The following CFAP47 variants were observed in gnomAD, a reference collection of about 807,000 sequenced individuals.
CFAP47 encodes cilia and flagella associated protein 47.
Under a neutral mutation model 148.1 loss-of-function variants are expected in CFAP47, and 29 were observed. The ratio of observed to expected loss-of-function variants is 0.20; its 90% CI spans 0.15 to 0.27. The LOEUF is 0.27. Among genes scored for constraint, CFAP47 ranks in the 10% least tolerant of loss-of-function variants. The pLI is 1.00. For missense variants in CFAP47, 1,872 were observed against 1,697.5 expected, an observed-to-expected ratio of 1.10 and a Z score of -1.81; for synonymous variants, 664 against 577.3, an observed-to-expected ratio of 1.15 and a Z score of -2.15.
intron 29 of CFAP47, among the ~76,000 whole-genome samples, chrX:36,075,614 G>T (rs6632472): frequency 0.19 from 20,889 of 110,883 alleles, 2,299 homozygotes; most frequent in African/African-American, 0.39. Context: ...ATGCTGAGGT[G>T]TGGAATACAA....
chrX:36,275,657 T>G (rs1941008413), intron 49 of CFAP47, among the ~76,000 whole-genome samples: 1 of 111,035 alleles, frequency 9.0e-6, no homozygotes, highest in South Asian at 3.8e-4. Context: ...AGTTTTCTTT[T>G]CTTGTAGTGT....
At chrX:35,924,028 T>TGCAC (rs1372148991) in intron 1 of CFAP47, among the ~76,000 whole-genome samples, 1 of 96,379 alleles carries the variant, frequency 1.0e-5, no homozygotes, top group African/African-American at 4.4e-5. Context: ...TGCACATATA[T>TGCAC]ATGCACATAT....
intron 37 of CFAP47, among the ~76,000 whole-genome samples, chrX:36,155,801 A>G: frequency 9.0e-6 from 1 of 111,397 alleles, no homozygotes; most frequent in Non-Finnish European, 1.9e-5. Context: ...ATAGGAAGCA[A>G]TTAATAAGGA....
intron 33 of CFAP47, among the ~76,000 whole-genome samples, chrX:36,127,818 A>G (rs1339842349): frequency 9.0e-6 from 1 of 110,936 alleles, no homozygotes; most frequent in Non-Finnish European, 1.9e-5. Context: ...CATCCCTTGT[A>G]AGTTGGATTC....
chrX:36,128,400 T>C (rs189599428), intron 33 of CFAP47, among the ~76,000 whole-genome samples: 2 of 111,549 alleles, frequency 1.8e-5, no homozygotes, highest in Admixed American at 1.9e-4. Context: ...TGTTCTGCAC[T>C]TTTTTATATT....
intron 5 of CFAP47, 96 bp from the exon 6 acceptor site, chrX:35,951,707 C>T: frequency 1.1e-6 from 1 of 898,091 alleles, no homozygotes; most frequent in Non-Finnish European, 1.5e-6. Flanking sequence ...TTGCTATTTC[C>T]TAGATTCTGG....
intron 62 of CFAP47, among the ~76,000 whole-genome samples, chrX:36,372,228 A>C (rs1005046769): frequency 3.6e-5 from 4 of 110,020 alleles, no homozygotes; most frequent in Non-Finnish European, 7.6e-5. Flanking sequence ...TATAAAGAAA[A>C]CTTGATATGA....
chrX:36,176,807 A>T (rs759093483), intron 39 of CFAP47, among the ~76,000 whole-genome samples: 3 of 112,392 alleles, frequency 2.7e-5, no homozygotes, highest in South Asian at 7.4e-4. Flanking sequence ...TGGGAGGCTG[A>T]GGTGGAAGAA....
chrX:36,098,571 T>C (rs953173696), intron 30 of CFAP47, among the ~76,000 whole-genome samples: 1 of 111,488 alleles, frequency 9.0e-6, no homozygotes, highest in Non-Finnish European at 1.9e-5. Context: ...ACTCAAACCA[T>C]AGGACACTTT....
At chrX:36,087,518 A>C (rs2146779114) in intron 30 of CFAP47, among the ~76,000 whole-genome samples, 1 of 112,116 alleles carries the variant, frequency 8.9e-6, no homozygotes, top group East Asian at 2.8e-4. Context: ...GAATTTTGTA[A>C]ATCACTTTCA....
In CFAP47 at chrX:35,953,731, A is replaced by C; in HGVS notation, c.1174+12A>C. ...TAAAACCATCAAAAGTAAGTGTGAA[A>C]TTAACAAAATTATCAAATCCGTAGC... is the stretch of plus-strand genomic sequence containing the variant. On this transcript the variant is annotated intron_variant, in intron 7 of 63. Coordinates refer to ENST00000378653, the MANE Select transcript of CFAP47 (RefSeq NM_001304548.2). 8.6e-7 allele frequency: 1 copy of C among 1,161,012 alleles called. No individual in the cohort carries two copies. Among genetic ancestry groups the C allele is most frequent in the Non-Finnish European group, 1.2e-6 (1 of 860,180 alleles).
At chrX:36,081,416 A>G (rs1419060816) in intron 29 of CFAP47, among the ~76,000 whole-genome samples, 1 of 111,641 alleles carries the variant, frequency 9.0e-6, no homozygotes, top group Non-Finnish European at 1.9e-5. Flanking sequence ...CCAGATATTC[A>G]AAGAAGAGCT....
intron 48 of CFAP47, among the ~76,000 whole-genome samples, chrX:36,240,459 C>T (rs1250304216): frequency 1.8e-5 from 2 of 110,489 alleles, no homozygotes; most frequent in African/African-American, 6.6e-5. Flanking sequence ...TGAAAAAGAC[C>T]AACATTCTGG....
At chrX:36,078,326 G>T (rs1303577645) in intron 29 of CFAP47, among the ~76,000 whole-genome samples, 2 of 110,938 alleles carry the variant, frequency 1.8e-5, no homozygotes, top group Non-Finnish European at 3.8e-5. Context: ...CATTATTATT[G>T]TGTGGGAGTC....
At chrX:36,008,750 A>G (rs1411738378) in intron 21 of CFAP47, among the ~76,000 whole-genome samples, 1 of 110,890 alleles carries the variant, frequency 9.0e-6, no homozygotes, top group Non-Finnish European at 1.9e-5. Context: ...AGCCTGAGTG[A>G]CAGAGTGAGA....
In CFAP47 at chrX:36,311,952, A is replaced by G. The variant is rs141593211; in HGVS notation, c.8344+963A>G. Among the ~76,000 whole-genome samples, 154 of 111,360 alleles carry G rather than the reference A, an allele frequency of 1.4e-3. 2 individuals are homozygous for G. The highest frequency in any genetic ancestry group is 3.0e-4 in the Non-Finnish European group (16 of 52,857). On this transcript the variant is annotated intron_variant, in intron 56 of 63. Transcript: ENST00000378653. ...TTTTAAATATTAAGAAAGTAATGTC[A>G]TCTCATGTAAAATTCCCTTATAAGA...
In CFAP47 at chrX:36,071,843, A is replaced by C. The variant is rs769373141; in HGVS notation, c.4337A>C (p.Lys1446Thr). The change falls in exon 28 of 64, where the codon AAG (lysine) becomes ACG (threonine). Residue 1446 changes from lysine (K) to threonine (T), a missense_variant. Lys to Thr is a moderately conservative substitution (Grantham distance 78). Transcript: ENST00000378653. Reference protein sequence around the residue: ...ILKNDKDEYLKKTRDGVLPPY... With the variant: ...ILKNDKDEYLTKTRDGVLPPY... ...TTTGTAGATAAGGATGAATATCTTA[A>C]GAAGACTAGAGATGGTGTTTTGCCT... 1.7e-6 allele frequency: 2 copies of C among 1,204,236 alleles called. No homozygotes were observed. The highest frequency in any genetic ancestry group is 2.2e-6 in the Non-Finnish European group (2 of 892,329).
chrX:36,222,093 G>C (rs1188660179), intron 45 of CFAP47, among the ~76,000 whole-genome samples: 1 of 111,753 alleles, frequency 8.9e-6, no homozygotes. Context: ...GGGCACCTGG[G>C]AGAATGTGCA....
intron 15 of CFAP47, among the ~76,000 whole-genome samples, chrX:35,981,258 TAAAAC>T (rs960462375): frequency 5.6e-5 from 6 of 107,814 alleles, no homozygotes; most frequent in African/African-American, 2.0e-4. Context: ...GAGCCAAACA[TAAAAC>T]AAAATATAAA....
Sources: allele counts gnomAD v4.1 joint callset (sites outside exome capture counted in the v4.1 genomes callset), GRCh38; gene constraint gnomAD v4.1.1; transcripts MANE v1.5; gene names NCBI Gene and HGNC (gene_info 2026-07-23, HGNC 2026-07-21).